SGCD: variants seen among roughly 807,000 people sequenced by gnomAD.
The protein encoded by SGCD is sarcoglycan delta.
In SGCD, 18 loss-of-function variants were observed where a neutral mutation model predicts 36.6. The observed-to-expected ratio is 0.49, with a 90% CI of 0.34 to 0.73. SGCD has a LOEUF of 0.73. SGCD is among the 30% of genes least tolerant of loss of function. The pLI is 0.01. For synonymous variants in SGCD, 133 were observed against 130.6 expected (o/e 1.02, Z -0.12); for missense variants, 387 against 346.7 (o/e 1.12, Z -0.92).
chr5:155,772,673 T>C, the SGCD span, among the ~76,000 whole-genome samples: 2 of 152,318 alleles, frequency 1.3e-5, no homozygotes, highest in East Asian at 1.9e-4. Context: ...TTTTAAGTTA[T>C]TAATGGTTTT....
At chr5:156,414,934 G>A (rs1772948026) in intron 3 of SGCD, among the ~76,000 whole-genome samples, 1 of 152,170 alleles carries the variant, frequency 6.6e-6, no homozygotes, top group African/African-American at 2.4e-5. Context: ...GTTCTAGGTA[G>A]CTTAGTCCTA....
intron 1 of SGCD, among the ~76,000 whole-genome samples, chr5:155,879,686 T>A (rs1177953323): frequency 6.6e-6 from 1 of 152,192 alleles, no homozygotes; most frequent in African/African-American, 2.4e-5. Flanking sequence ...TATCTTATTA[T>A]GTTTAAATGA....
chr5:155,847,554 A>G, the SGCD span, among the ~76,000 whole-genome samples: 2 of 152,198 alleles, frequency 1.3e-5, no homozygotes, highest in African/African-American at 4.8e-5. Flanking sequence ...AGAGTGTAAT[A>G]TAAATAATGG....
intron 3 of SGCD, among the ~76,000 whole-genome samples, chr5:156,239,678 T>C (rs559373055): frequency 6.6e-6 from 1 of 152,312 alleles, no homozygotes; most frequent in South Asian, 2.1e-4. Context: ...AGCCTACTGC[T>C]ACATAGAGCT....
chr5:156,176,180 A>T (rs1763466400), intron 3 of SGCD, among the ~76,000 whole-genome samples: 2 of 151,914 alleles, frequency 1.3e-5, no homozygotes, highest in Non-Finnish European at 1.5e-5. Context: ...TCATGGCCAC[A>T]GTACTTGCTA....
intron 3 of SGCD, among the ~76,000 whole-genome samples, chr5:156,278,730 A>G (rs1422187223): frequency 6.6e-6 from 1 of 152,202 alleles, no homozygotes; most frequent in Non-Finnish European, 1.5e-5. Context: ...TAACTGCAGG[A>G]TGCGCTATAT....
chr5:155,759,169 C>T, the SGCD span, among the ~76,000 whole-genome samples: 1 of 152,058 alleles, frequency 6.6e-6, no homozygotes, highest in African/African-American at 2.4e-5. Context: ...ATGAAGCTTC[C>T]AATTTGTCTC....
At chr5:155,965,195 T>C (rs959939545) in intron 1 of SGCD, among the ~76,000 whole-genome samples, 1 of 152,172 alleles carries the variant, frequency 6.6e-6, no homozygotes, top group Non-Finnish European at 1.5e-5. Context: ...TCTGTATACC[T>C]GATGTTTGAC....
At chr5:156,213,137 G>A (rs1245906034) in intron 3 of SGCD, among the ~76,000 whole-genome samples, 6 of 151,624 alleles carry the variant, frequency 4.0e-5, no homozygotes, top group Admixed American at 6.6e-5. Context: ...TAGAAGGAAG[G>A]AAATAATAAA....
intron 3 of SGCD, among the ~76,000 whole-genome samples, chr5:156,449,852 CAAAA>C (rs10548772): frequency 1.0e-4 from 7 of 67,832 alleles, no homozygotes; most frequent in African/African-American, 3.1e-4. Flanking sequence ...AACTCCATCT[CAAAA>C]AAAAAAAAAA....
intron 6 of SGCD, among the ~76,000 whole-genome samples, chr5:156,633,515 G>T (rs1762712395): frequency 6.6e-6 from 1 of 152,084 alleles, no homozygotes; most frequent in Non-Finnish European, 1.5e-5. Context: ...CCTGTGTTTG[G>T]GTCCTGGTCC....
At chr5:156,499,770 A>T (rs1756366977) in intron 3 of SGCD, among the ~76,000 whole-genome samples, 3 of 152,140 alleles carry the variant, frequency 2.0e-5, no homozygotes, top group African/African-American at 7.2e-5. Flanking sequence ...TATATTAAGA[A>T]GTTTGTTCTT....
At chr5:156,627,496 G>A (rs1202283292) in intron 6 of SGCD, among the ~76,000 whole-genome samples, 1 of 152,148 alleles carries the variant, frequency 6.6e-6, no homozygotes, top group Non-Finnish European at 1.5e-5. Flanking sequence ...GTCTTTATAT[G>A]ATCCAGAGAG....
intron 3 of SGCD, among the ~76,000 whole-genome samples, chr5:156,177,083 C>A (rs1763493506): frequency 6.6e-6 from 1 of 152,124 alleles, no homozygotes; most frequent in African/African-American, 2.4e-5. Context: ...CTCACTGCAA[C>A]CTCCGCCTCC....
At chr5:156,417,683 C>T (rs746269212) in intron 3 of SGCD, among the ~76,000 whole-genome samples, 27 of 152,052 alleles carry the variant, frequency 1.8e-4, no homozygotes, top group Admixed American at 1.1e-3. Context: ...CCAATTCTGT[C>T]AGATCAGGGC....
chr5:156,143,783 A>T (rs1379969452), intron 3 of SGCD, among the ~76,000 whole-genome samples: 9 of 151,958 alleles, frequency 5.9e-5, no homozygotes, highest in Non-Finnish European at 1.3e-4. Flanking sequence ...CATGTGTACA[A>T]TGTGCAGGTT....
At chr5:156,646,795 A>G (rs552713842) in intron 6 of SGCD, among the ~76,000 whole-genome samples, 1 of 152,328 alleles carries the variant, frequency 6.6e-6, no homozygotes, top group South Asian at 2.1e-4. Context: ...TGCTATCTTT[A>G]TGGCTGCAAA....
At chr5:156,299,695 G>T (rs572069672) in intron 3 of SGCD, among the ~76,000 whole-genome samples, 8 of 152,032 alleles carry the variant, frequency 5.3e-5, no homozygotes, top group Non-Finnish European at 1.0e-4. Flanking sequence ...TTTATTTGTA[G>T]TTGTAGTAAA....
chr5:155,767,622 G>A, the SGCD span, among the ~76,000 whole-genome samples: 1 of 152,144 alleles, frequency 6.6e-6, no homozygotes, highest in African/African-American at 2.4e-5. Context: ...GTACAGTGGA[G>A]CAAGTGTGAT....
Sources: gnomAD v4.1 joint callset for allele counts (sites outside exome capture counted in the v4.1 genomes callset) on GRCh38, gnomAD v4.1.1 for gene constraint, MANE v1.5 for transcripts, NCBI Gene and HGNC (gene_info 2026-07-23, HGNC 2026-07-21) for gene names.